Variants in LAMA4 observed in about 807,000 individuals in gnomAD.
LAMA4 encodes laminin subunit alpha 4.
Under a neutral mutation model 207.1 loss-of-function variants are expected in LAMA4, and 127 were observed. The ratio of observed to expected loss-of-function variants is 0.61; its 90% CI spans 0.53 to 0.71. LAMA4 has a LOEUF of 0.71. Ranked by LOEUF, LAMA4 falls within the 30% of genes least tolerant of loss-of-function variation. The pLI is 0.00. For synonymous variants in LAMA4, 761 were observed against 816.0 expected, an observed-to-expected ratio of 0.93 and a Z score of 1.15; for missense variants, 2,093 against 2,246.5, an observed-to-expected ratio of 0.93 and a Z score of 1.38.
chr6:112,229,709 GA>G (rs1785435665), intron 2 of LAMA4, among the ~76,000 whole-genome samples: 1 of 152,176 alleles, frequency 6.6e-6, no homozygotes, highest in Non-Finnish European at 1.5e-5. Flanking sequence ...ACTATCTAAA[GA>G]AAGATGATTG....
intron 5 of LAMA4, among the ~76,000 whole-genome samples, chr6:112,192,644 A>G (rs1783185384): frequency 6.6e-6 from 1 of 152,216 alleles, no homozygotes; most frequent in Non-Finnish European, 1.5e-5. Flanking sequence ...TGGGCCTTTG[A>G]TGAGAGAGCC....
At chr6:112,144,749 GTTA>G (rs1779917419) in intron 19 of LAMA4, 42 bp downstream of exon 19, 1 of 1,606,672 alleles carries the variant, frequency 6.2e-7, no homozygotes, top group African/African-American at 1.3e-5. Context: ...TCAGCTTCGT[GTTA>G]TTATTACCGC....
At chr6:112,116,722 C>A (rs587647235) in intron 35 of LAMA4, among the ~76,000 whole-genome samples, 143 of 152,196 alleles carry the variant, frequency 9.4e-4, no homozygotes, top group African/African-American at 3.3e-3. Flanking sequence ...TTTAATGTAT[C>A]CTATAAATCA....
chr6:112,200,081 T>A (rs1554351701), intron 5 of LAMA4: 7 of 531,150 alleles, frequency 1.3e-5, no homozygotes, highest in Admixed American at 3.9e-5. Context: ...AGCCATTTTA[T>A]CTTACAACAC....
chr6:112,230,062 T>G (rs1785456629), intron 2 of LAMA4, among the ~76,000 whole-genome samples: 1 of 152,246 alleles, frequency 6.6e-6, no homozygotes, highest in Admixed American at 6.5e-5. Flanking sequence ...CATGCACATT[T>G]AGGTATTACT....
Position 112,150,513 on chromosome 6 carries a change from C to T in LAMA4, c.2171G>A (p.Arg724Lys), listed in dbSNP as rs146868519. The change falls in exon 17 of 39, where the codon AGA becomes AAA. Residue 724 changes from arginine to lysine, a missense_variant and splice_region_variant. Arg to Lys is a conservative substitution (Grantham distance 26, BLOSUM62 2). This residue lies in a region of LAMA4 where 1,704 missense variants were observed against 1,788.4 expected (regional missense o/e 0.95). Coordinates refer to ENST00000230538, the MANE Select transcript of LAMA4 (RefSeq NM_001105206.3). Reference protein sequence around the residue: ...DAVKQLQAAERGDAQQRLGQS... With the variant: ...DAVKQLQAAEKGDAQQRLGQS... ...CTTCAATTCTCTCTGATGCTTACCT[C>T]TCTCTGCTGCTTGTAGTTGCTTAAC... 8.9e-4 allele frequency: 1,412 copies of T among 1,593,550 alleles called. 4 individuals are homozygous for T. The highest frequency in any genetic ancestry group is 1.1e-3 in the Non-Finnish European group (1,290 of 1,161,270).
At chr6:112,146,961 T>A (rs570325871) in intron 18 of LAMA4, among the ~76,000 whole-genome samples, 88 of 152,330 alleles carry the variant, frequency 5.8e-4, no homozygotes, top group African/African-American at 2.0e-3. Context: ...GTCCCCCTGC[T>A]CCCTACAATC....
chr6:112,158,086 T>G (rs191906213), intron 14 of LAMA4: 1 of 152,846 alleles, frequency 6.5e-6, no homozygotes, highest in East Asian at 1.9e-4. Context: ...TTCAGGGTCA[T>G]GAATTCAATT....
chr6:112,115,935 G>A lies in LAMA4; in HGVS notation c.5040C>T (p.Ser1680=). 2 of 1,613,302 alleles carry A rather than the reference G, an allele frequency of 1.2e-6. No homozygotes were observed. The highest frequency in any genetic ancestry group is 1.7e-6 in the Non-Finnish European group (2 of 1,179,352). The change falls in exon 36 of 39, where the codon AGC becomes AGT. Residue 1680 remains serine (S), a synonymous_variant. Transcript: ENST00000230538. ...FEIAFEVRPR[S]SSGTLVHGHS... ...GGCCGTGGACCAGGGTTCCGGAACT[G>A]CTTCTGGGACGGACTTCAAATGCAA...
chr6:112,114,105 C>T lies in LAMA4; in HGVS notation c.5297G>A (p.Arg1766Lys). ...AACACCTCCAACAAACACAGGCTCC[C>T]TGTGATCAATTGGTTTTGGATTCAG... ...GPLNPKPIDH[R>K]EPVFVGGVPE... Residue 1766 changes from arginine (R) to lysine (K), a missense_variant, in exon 38 of 39, where the codon AGG (arginine) becomes AAG (lysine). By Grantham distance (26) the Arg-to-Lys change is conservative. Around this residue, in one of 3 missense-constraint regions of LAMA4, gnomAD observed 383 missense variants for 437.8 expected, o/e 0.87. Coordinates refer to ENST00000230538, the MANE Select transcript of LAMA4 (RefSeq NM_001105206.3). 6.2e-7 allele frequency: 1 copy of T among 1,614,004 alleles called. No homozygotes were observed. Among genetic ancestry groups the T allele is most frequent in the Non-Finnish European group, 8.5e-7 (1 of 1,179,898 alleles).
chr6:112,171,100 G>T (rs1438132049), intron 12 of LAMA4, among the ~76,000 whole-genome samples: 3 of 152,066 alleles, frequency 2.0e-5, no homozygotes, highest in Admixed American at 6.6e-5. Context: ...AGAATTGTAC[G>T]TTGCAACCTG....
chr6:112,140,199 A>T (rs1335408578), intron 22 of LAMA4, among the ~76,000 whole-genome samples: 1 of 152,210 alleles, frequency 6.6e-6, no homozygotes, highest in Admixed American at 6.5e-5. Context: ...ATATAATGAG[A>T]GGGAAAATAA....
At chr6:112,197,569 T>C (rs1364557530) in intron 5 of LAMA4, among the ~76,000 whole-genome samples, 1 of 152,248 alleles carries the variant, frequency 6.6e-6, no homozygotes, top group Non-Finnish European at 1.5e-5. Context: ...TTACATGTCT[T>C]GAAAACCAAA....
At chr6:112,249,906 A>C (rs1361627305) in intron 2 of LAMA4, among the ~76,000 whole-genome samples, 1 of 152,180 alleles carries the variant, frequency 6.6e-6, no homozygotes, top group Non-Finnish European at 1.5e-5. Flanking sequence ...CATTACCTCC[A>C]TGGCACTTAC....
At chr6:112,218,722 G>C (rs1001875882) in intron 2 of LAMA4, 6 of 152,254 alleles carry the variant, frequency 3.9e-5, no homozygotes, top group Non-Finnish European at 8.8e-5. Context: ...CTGAGATTAT[G>C]ACCTTGGGTG....
chr6:112,203,358 G>A (rs190836807), intron 4 of LAMA4, among the ~76,000 whole-genome samples: 2 of 152,240 alleles, frequency 1.3e-5, no homozygotes, highest in East Asian at 1.9e-4. Context: ...CAAATCCTGC[G>A]TCTGTGGGCT....
intron 9 of LAMA4, chr6:112,180,020 T>G (rs1554344921): frequency 2.2e-6 from 1 of 455,906 alleles, no homozygotes; most frequent in African/African-American, 2.1e-5. Context: ...ATCTTAATAT[T>G]ACTCCTCCCT....
At chr6:112,132,970 G>A in intron 27 of LAMA4, 80 bp from the exon 28 acceptor site, 1 of 1,424,644 alleles carries the variant, frequency 7.0e-7, no homozygotes, top group Non-Finnish European at 9.8e-7. Context: ...CATACGGAAG[G>A]CCTTGCCTGT....
chr6:112,173,079 A>C (rs748495180), intron 11 of LAMA4, among the ~76,000 whole-genome samples: 1 of 152,202 alleles, frequency 6.6e-6, no homozygotes, highest in Non-Finnish European at 1.5e-5. Context: ...ATATCATTAT[A>C]CTATGCTTAT....
Sources: gnomAD v4.1 joint callset for allele counts (sites outside exome capture counted in the v4.1 genomes callset) on GRCh38, gnomAD v4.1.1 for gene constraint, gnomAD v4.1.1 regional missense constraint, MANE v1.5 for transcripts, NCBI Gene and HGNC (gene_info 2026-07-23, HGNC 2026-07-21) for gene names.